Variants in GRIP1 observed in about 807,000 individuals in gnomAD.
GRIP1 encodes the protein glutamate receptor-interacting protein 1.
Under a neutral mutation model 129.9 loss-of-function variants are expected in GRIP1, and 45 were observed. That is an observed-to-expected ratio of 0.35 (90% CI 0.27 to 0.44). The LOEUF is 0.44. GRIP1 is among the 20% of genes least tolerant of loss of function. GRIP1 has a pLI of 1.00. For synonymous variants in GRIP1, 530 were observed against 520.8 expected (o/e 1.02, Z -0.24); for missense variants, 1,196 against 1,396.8 (o/e 0.86, Z 2.29).
intron 15 of GRIP1, among the ~76,000 whole-genome samples, chr12:66,410,897 C>T (rs148506631): frequency 7.9e-5 from 12 of 152,308 alleles, no homozygotes; most frequent in Non-Finnish European, 1.3e-4. Context: ...TGCAAAATAA[C>T]TGAAATCATA....
At chr12:66,998,202 G>A (rs183040431) in intron 1 of GRIP1, among the ~76,000 whole-genome samples, 14 of 152,234 alleles carry the variant, frequency 9.2e-5, no homozygotes, top group South Asian at 2.1e-4. Context: ...TTCAAAAGCC[G>A]CATGTGGCTA....
At chr12:66,483,216 G>A (rs1447431557) in intron 7 of GRIP1, among the ~76,000 whole-genome samples, 1 of 152,114 alleles carries the variant, frequency 6.6e-6, no homozygotes, top group Non-Finnish European at 1.5e-5. Context: ...TTGCTCGTTA[G>A]TTAACAGTAT....
At chr12:66,517,734 CT>C (rs112804687) in intron 6 of GRIP1, among the ~76,000 whole-genome samples, 166 bp downstream of exon 6, 8 of 149,018 alleles carry the variant, frequency 5.4e-5, no homozygotes, top group African/African-American at 9.9e-5. Context: ...AGAGGCAAAC[CT>C]TTTTTTTTTC....
At chr12:66,528,217 C>G (rs2061329582) in intron 5 of GRIP1, among the ~76,000 whole-genome samples, 1 of 146,322 alleles carries the variant, frequency 6.8e-6, no homozygotes, top group Admixed American at 7.0e-5. Context: ...TCACTGCAAG[C>G]TCCACCTCCC....
intron 1 of GRIP1, among the ~76,000 whole-genome samples, chr12:66,845,431 T>C (rs2039796381): frequency 6.6e-6 from 1 of 152,224 alleles, no homozygotes; most frequent in African/African-American, 2.4e-5. Flanking sequence ...CACTACAGCC[T>C]GGGTGACAGA....
intron 13 of GRIP1, among the ~76,000 whole-genome samples, chr12:66,441,417 TC>T (rs1289437602): frequency 6.6e-6 from 1 of 152,156 alleles, no homozygotes; most frequent in East Asian, 1.9e-4. Context: ...TCTCCTTTTT[TC>T]CTGTGACTTT....
intron 1 of GRIP1, among the ~76,000 whole-genome samples, chr12:66,717,154 A>G (rs552568034): frequency 6.6e-6 from 1 of 152,228 alleles, no homozygotes; most frequent in Admixed American, 6.5e-5. Flanking sequence ...GAACATACAT[A>G]TTTATAACAG....
intron 1 of GRIP1, among the ~76,000 whole-genome samples, chr12:66,858,814 G>C (rs1344713709): frequency 6.6e-6 from 1 of 151,744 alleles, no homozygotes; most frequent in Non-Finnish European, 1.5e-5. Flanking sequence ...GGGGATATGA[G>C]GGAAATACTA....
At chr12:66,988,623 C>A (rs562515755) in intron 1 of GRIP1, among the ~76,000 whole-genome samples, 1 of 152,132 alleles carries the variant, frequency 6.6e-6, no homozygotes, top group Non-Finnish European at 1.5e-5. Context: ...AAGTGATCCC[C>A]GTCTCGGCCT....
chr12:66,675,695 G>T (rs2034293913), intron 1 of GRIP1, among the ~76,000 whole-genome samples: 1 of 152,106 alleles, frequency 6.6e-6, no homozygotes, highest in Non-Finnish European at 1.5e-5. Flanking sequence ...TTGGGATTTG[G>T]CTCTAAGGTT....
chr12:66,998,992 C>A (rs559684706), intron 1 of GRIP1, among the ~76,000 whole-genome samples: 1 of 152,010 alleles, frequency 6.6e-6, no homozygotes, highest in African/African-American at 2.4e-5. Context: ...CTCAAAAGGA[C>A]CCCCCTCCTC....
At chr12:66,683,050 C>T (rs2034645243), upstream of GRIP1, among the ~76,000 whole-genome samples, 1 of 151,914 alleles carries the variant, frequency 6.6e-6, no homozygotes. Flanking sequence ...GATCCCCACA[C>T]CCCCTACCCT....
chr12:66,964,654 A>G (rs1264219949), intron 1 of GRIP1, among the ~76,000 whole-genome samples: 1 of 152,154 alleles, frequency 6.6e-6, no homozygotes, highest in Admixed American at 6.6e-5. Context: ...AGGCTCCCAA[A>G]GCAACTAAAC....
At chr12:66,350,893 AAAG>A (rs2054193111) in intron 24 of GRIP1, among the ~76,000 whole-genome samples, 1 of 152,246 alleles carries the variant, frequency 6.6e-6, no homozygotes, top group Non-Finnish European at 1.5e-5. Flanking sequence ...CCTCCAGCAT[AAAG>A]TTCAAGAGCT....
At position 66,687,226 on chromosome 12, in the gene GRIP1, A is replaced by T. The variant is rs543206505; in HGVS notation, c.-419-56890T>A. ...CATAATTATCTTTTCTGATACAATG[A>T]AGTGGAAATACTCTGTCACCCCTTC... is the stretch of plus-strand genomic sequence containing the variant. On this transcript the variant is annotated intron_variant, in intron 1 of 4. Coordinates refer to the GRIP1 transcript ENST00000538373. Among the ~76,000 whole-genome samples the T allele has an allele frequency of 2.4e-4, 36 of 152,324 alleles. No homozygotes were observed. In the South Asian group the frequency reaches 7.5e-3, roughly 32 times the overall value.
chr12:67,061,427 A>G (rs915923351), intron 1 of GRIP1, among the ~76,000 whole-genome samples: 3 of 152,252 alleles, frequency 2.0e-5, no homozygotes, highest in African/African-American at 4.8e-5. Flanking sequence ...ACCTAGGCCA[A>G]ATAGCCAGGG....
intron 1 of GRIP1, among the ~76,000 whole-genome samples, chr12:66,937,014 A>G (rs140350273): frequency 7.8e-4 from 119 of 152,092 alleles, no homozygotes; most frequent in African/African-American, 2.8e-3. Flanking sequence ...TTAATCATCT[A>G]TTTGGAGGAA....
intron 1 of GRIP1, among the ~76,000 whole-genome samples, chr12:66,819,957 T>G (rs1447366356): frequency 6.6e-6 from 1 of 152,186 alleles, no homozygotes; most frequent in Non-Finnish European, 1.5e-5. Context: ...TTCTGGAGTG[T>G]AGATAAGCCT....
At chr12:66,401,225 T>G (rs2137604556) in intron 16 of GRIP1, among the ~76,000 whole-genome samples, 1 of 152,252 alleles carries the variant, frequency 6.6e-6, no homozygotes, top group African/African-American at 2.4e-5. Flanking sequence ...TGACCACTGA[T>G]AGTCAACATT....
Sources: allele counts gnomAD v4.1 joint callset (sites outside exome capture counted in the v4.1 genomes callset), GRCh38; gene constraint gnomAD v4.1.1; transcripts MANE v1.5; gene names NCBI Gene and HGNC (gene_info 2026-07-23, HGNC 2026-07-21).